SLC41A2: variants seen among roughly 807,000 people sequenced by gnomAD.
SLC41A2 encodes solute carrier family 41 member 2.
Under a neutral mutation model 58.3 loss-of-function variants are expected in SLC41A2, and 32 were observed. The ratio of observed to expected loss-of-function variants is 0.55; its 90% CI spans 0.41 to 0.74. The LOEUF is 0.74. Among genes scored for constraint, SLC41A2 ranks in the 30% least tolerant of loss-of-function variants. SLC41A2 has a pLI of 0.00. For synonymous variants in SLC41A2, 190 were observed against 235.0 expected, an observed-to-expected ratio of 0.81 and a Z score of 1.75; for missense variants, 514 against 680.6, an observed-to-expected ratio of 0.76 and a Z score of 2.72.
At chr12:104,954,965 A>T (rs933775828) in intron 1 of SLC41A2, among the ~76,000 whole-genome samples, 1 of 151,392 alleles carries the variant, frequency 6.6e-6, no homozygotes, top group Non-Finnish European at 1.5e-5. Flanking sequence ...CAGTTTTATC[A>T]AAGAACCTCG....
chr12:104,918,628 G>GAAAAAAAA (rs34865307), intron 2 of SLC41A2, among the ~76,000 whole-genome samples: 3 of 111,474 alleles, frequency 2.7e-5, no homozygotes, highest in Admixed American at 2.0e-4. Flanking sequence ...GGAGATACAT[G>GAAAAAAAA]AAAAAAAAAA....
intron 8 of SLC41A2, among the ~76,000 whole-genome samples, chr12:104,855,771 G>C (rs2042996971): frequency 6.6e-6 from 1 of 152,200 alleles, no homozygotes; most frequent in South Asian, 2.1e-4. Flanking sequence ...GATAAAAATA[G>C]AGACGATAAG....
chr12:104,893,980 TA>T (rs34391992), intron 4 of SLC41A2, among the ~76,000 whole-genome samples: 76,584 of 151,768 alleles, frequency 0.5, 19,708 homozygotes, highest in Middle Eastern at 0.57. Context: ...AATTGTACAT[TA>T]AAAAATAACT....
intron 10 of SLC41A2, among the ~76,000 whole-genome samples, chr12:104,824,271 G>A (rs1292102793): frequency 6.6e-6 from 1 of 151,604 alleles, no homozygotes; most frequent in East Asian, 1.9e-4. Flanking sequence ...CCAGCAGGCA[G>A]ACACACAGGC....
intron 10 of SLC41A2, among the ~76,000 whole-genome samples, chr12:104,838,911 C>T (rs1494099): frequency 0.64 from 97,433 of 151,988 alleles, 31,732 homozygotes; most frequent in African/African-American, 0.73. Context: ...ATATACTTGA[C>T]AAAATCCTGA....
Position 104,845,789 on chromosome 12 carries a change from C to G in SLC41A2, c.1387+54G>C, listed in dbSNP as rs138631014. The G allele has an allele frequency of 5.8e-4, 887 of 1,529,438 alleles. 3 individuals are homozygous for G. The highest frequency in any genetic ancestry group is 4.9e-3 in the Middle Eastern group (28 of 5,720). 94.7% of individuals were successfully genotyped at this position (1,529,438 alleles called of 1,614,324 possible). ...TCAATAAATGTTGCCTGCCTATAAT[C>G]TTAGAGAGCAATAGCCCTTGATCTA... On this transcript the variant is annotated intron_variant, in intron 9 of 10. Transcript: ENST00000258538.
intron 10 of SLC41A2, among the ~76,000 whole-genome samples, chr12:104,806,371 A>G (rs1246456918): frequency 1.3e-5 from 2 of 152,112 alleles, no homozygotes; most frequent in Non-Finnish European, 1.5e-5. Flanking sequence ...AGCTTCATCC[A>G]TGTCCCTACA....
At chr12:104,933,540 A>C (rs1423286565) in intron 1 of SLC41A2, among the ~76,000 whole-genome samples, 1 of 152,108 alleles carries the variant, frequency 6.6e-6, no homozygotes, top group Non-Finnish European at 1.5e-5. Flanking sequence ...TATCTACCCA[A>C]AGGAAAAGAA....
chr12:104,808,789 G>C (rs1022313849), intron 10 of SLC41A2, among the ~76,000 whole-genome samples: 17 of 152,158 alleles, frequency 1.1e-4, no homozygotes, highest in African/African-American at 3.4e-4. Context: ...TCCTGGTTTA[G>C]TCCTGGGAGG....
intron 10 of SLC41A2, among the ~76,000 whole-genome samples, chr12:104,814,696 T>A (rs2041318423): frequency 6.6e-6 from 1 of 152,162 alleles, no homozygotes; most frequent in Non-Finnish European, 1.5e-5. Context: ...TTAAACAAGA[T>A]AATATAGGTA....
At position 104,888,329 on chromosome 12, in the gene SLC41A2, A is replaced by C. The variant is rs190404839; in HGVS notation, c.880+704T>G. On this transcript the variant is annotated intron_variant, in intron 5 of 10. Transcript: ENST00000258538. ...GTTAGCTGCATTGTATGATCACCTA[A>C]CATGACAATAATCCACTTTAAACTT... Among the ~76,000 whole-genome samples, 232 of 152,186 alleles carry C rather than the reference A, an allele frequency of 1.5e-3. 4 individuals carry two copies. The highest frequency in any genetic ancestry group is 5.0e-4 in the Non-Finnish European group (34 of 67,932).
chr12:104,852,114 C>T (rs1480726175), intron 8 of SLC41A2, among the ~76,000 whole-genome samples: 1 of 152,036 alleles, frequency 6.6e-6, no homozygotes, highest in Non-Finnish European at 1.5e-5. Flanking sequence ...ACTGGGTAAG[C>T]CAATAAGGGG....
intron 7 of SLC41A2, among the ~76,000 whole-genome samples, chr12:104,861,921 GA>G (rs2043229413): frequency 6.6e-6 from 1 of 152,182 alleles, no homozygotes; most frequent in South Asian, 2.1e-4. Context: ...GCCACAGAAA[GA>G]GCTGATCTTG....
chr12:104,869,572 C>G (rs12296570), intron 6 of SLC41A2, among the ~76,000 whole-genome samples: 4,473 of 152,090 alleles, frequency 0.029, 190 homozygotes, highest in African/African-American at 0.1. Flanking sequence ...GGTGGGAAAA[C>G]CATGATAAAA....
At chr12:104,903,879 CCT>C (rs1330805128) in intron 3 of SLC41A2, among the ~76,000 whole-genome samples, 2 of 152,174 alleles carry the variant, frequency 1.3e-5, no homozygotes, top group African/African-American at 4.8e-5. Context: ...AAGCTTCTCC[CCT>C]GTGCTGGGCT....
chr12:104,866,391 C>G, intron 7 of SLC41A2, 41 bp downstream of exon 7: 1 of 1,283,416 alleles, frequency 7.8e-7, no homozygotes, highest in Non-Finnish European at 1.1e-6. Context: ...TACACACACA[C>G]ACACACACAC....
At chr12:104,952,822 A>G (rs966772143) in intron 1 of SLC41A2, among the ~76,000 whole-genome samples, 11 of 152,140 alleles carry the variant, frequency 7.2e-5, no homozygotes, top group Admixed American at 1.3e-4. Context: ...GCCTTTCCAC[A>G]TGTTCTTTTT....
At chr12:104,816,721 C>T (rs2041421106) in intron 10 of SLC41A2, among the ~76,000 whole-genome samples, 2 of 152,248 alleles carry the variant, frequency 1.3e-5, no homozygotes, top group South Asian at 4.1e-4. Flanking sequence ...AAAAAGTCTC[C>T]CCTAAAAATT....
chr12:104,928,966 A>G (rs1196059502), intron 1 of SLC41A2, among the ~76,000 whole-genome samples: 2 of 152,236 alleles, frequency 1.3e-5, no homozygotes, highest in Non-Finnish European at 2.9e-5. Context: ...TATCCACGTA[A>G]GGTCTTCAAC....
Sources: gnomAD v4.1 joint callset for allele counts (sites outside exome capture counted in the v4.1 genomes callset) on GRCh38, gnomAD v4.1.1 for gene constraint, MANE v1.5 for transcripts, NCBI Gene and HGNC (gene_info 2026-07-23, HGNC 2026-07-21) for gene names.